ALAS2: variants seen among roughly 807,000 people sequenced by gnomAD.
ALAS2 encodes the protein 5'-aminolevulinate synthase 2, also known as 5-aminolevulinate synthase, erythroid-specific, mitochondrial.
Under a neutral mutation model 33.7 loss-of-function variants are expected in ALAS2, and 3 were observed. The observed-to-expected ratio is 0.09, with a 90% CI of 0.04 to 0.23. The LOEUF is 0.23. ALAS2 is among the 10% of genes least tolerant of loss of function. ALAS2 has a pLI of 1.00. For synonymous variants in ALAS2, 191 were observed against 177.3 expected (o/e 1.08, Z -0.61); for missense variants, 304 against 475.1 (o/e 0.64, Z 3.35).
chrX:55,030,044 G>A (rs1935968064), intron 1 of ALAS2, among the ~76,000 whole-genome samples: 1 of 103,042 alleles, frequency 9.7e-6, no homozygotes, highest in Admixed American at 1.1e-4. Flanking sequence ...GAAACATCAG[G>A]CCTTACTTCT....
intron 8 of ALAS2, 66 bp from the exon 9 acceptor site, chrX:55,015,081 T>C (rs1935676604): frequency 8.8e-7 from 1 of 1,137,034 alleles, no homozygotes; most frequent in South Asian, 2.1e-5. Flanking sequence ...CAGGATCATG[T>C]GCCAGATAAC....
At chrX:55,014,365 G>A (rs1397966767) in intron 9 of ALAS2, among the ~76,000 whole-genome samples, 1 of 111,384 alleles carries the variant, frequency 9.0e-6, no homozygotes, top group Non-Finnish European at 1.9e-5. Context: ...ACAAATTGAT[G>A]ATACCCTTAG....
At chrX:55,026,091 A>C in intron 1 of ALAS2, 76 bp from the exon 2 acceptor site, 1 of 987,930 alleles carries the variant, frequency 1.0e-6, no homozygotes, top group Non-Finnish European at 1.4e-6. Flanking sequence ...CCTCGTCTTC[A>C]GCTTCCCACC....
intron 4 of ALAS2, among the ~76,000 whole-genome samples, 162 bp from the exon 5 acceptor site, chrX:55,021,436 C>T (rs1487983072): frequency 1.8e-5 from 2 of 112,547 alleles, no homozygotes; most frequent in South Asian, 3.7e-4. Context: ...CTCTCTACTA[C>T]TTCATTCAGC....
At chrX:55,025,777 A>G in intron 2 of ALAS2, 43 bp downstream of exon 2, 1 of 1,178,895 alleles carries the variant, frequency 8.5e-7, no homozygotes, top group East Asian at 3.0e-5. Flanking sequence ...CTTTTACCCC[A>G]GGACCCTAAC....
intron 6 of ALAS2, 75 bp from the exon 7 acceptor site, chrX:55,017,740 A>C (rs1935729264): frequency 9.4e-7 from 1 of 1,061,874 alleles, no homozygotes; most frequent in Non-Finnish European, 1.3e-6. Flanking sequence ...TGACCTGGCA[A>C]AGAAAAGGGC....
chrX:55,024,967 T>C, intron 2 of ALAS2, 127 bp from the exon 3 acceptor site: 1 of 915,365 alleles, frequency 1.1e-6, no homozygotes. Context: ...CAGAGATAGA[T>C]GAGTCTGGTC....
chrX:55,017,750 C>A (rs1380373062), intron 6 of ALAS2, 85 bp from the exon 7 acceptor site: 4 of 982,166 alleles, frequency 4.1e-6, no homozygotes, highest in Non-Finnish European at 5.8e-6. Context: ...AAGAAAAGGG[C>A]CAACCCTTTC....
At chrX:55,021,393 T>C in intron 4 of ALAS2, 119 bp from the exon 5 acceptor site, 1 of 591,244 alleles carries the variant, frequency 1.7e-6, no homozygotes, top group Admixed American at 2.6e-5. Flanking sequence ...TATTCATTTA[T>C]TTGCTCAGTC....
rs1475237181 is a variant in ALAS2 at position 55,021,179 on chromosome X, A to G, written c.511T>C (p.Trp171Arg). The change falls in exon 5 of 11, where the codon TGG becomes CGG. Residue 171 changes from tryptophan (W) to arginine (R), a missense_variant. Transcript: ENST00000650242. ...TGGGCAAAGGGATATGCATCAGCCC[A>G]GCGGTTCACAGTCTTGAACACACGG... is the stretch of plus-strand genomic sequence containing the variant. ...TYRVFKTVNRWADAYPFAQHF... is the reference protein window; with the variant it reads ...TYRVFKTVNRRADAYPFAQHF... 8.3e-7 allele frequency: 1 copy of G among 1,211,714 alleles called. No homozygotes were observed. The highest frequency in any genetic ancestry group is 2.2e-5 in the Admixed American group (1 of 46,085).
intron 1 of ALAS2, among the ~76,000 whole-genome samples, chrX:55,028,297 G>A (rs1056579313): frequency 1.8e-5 from 2 of 111,209 alleles, no homozygotes; most frequent in South Asian, 3.8e-4. Flanking sequence ...CTGGAATCAC[G>A]TCTGAGCATC....
intron 4 of ALAS2, among the ~76,000 whole-genome samples, 162 bp from the exon 5 acceptor site, chrX:55,021,436 C>A (rs1487983072): frequency 8.9e-6 from 1 of 112,494 alleles, no homozygotes; most frequent in Non-Finnish European, 1.9e-5. Context: ...CTCTCTACTA[C>A]TTCATTCAGC....
intron 6 of ALAS2, among the ~76,000 whole-genome samples, chrX:55,018,823 G>A: frequency 9.0e-6 from 1 of 111,304 alleles, no homozygotes; most frequent in Non-Finnish European, 1.9e-5. Context: ...AATTCTGACT[G>A]TTGTAAAGAA....
chrX:55,019,353 G>T (rs762512193), intron 6 of ALAS2, among the ~76,000 whole-genome samples: 2 of 111,434 alleles, frequency 1.8e-5, no homozygotes, highest in African/African-American at 6.5e-5. Flanking sequence ...AAGGAGTGAG[G>T]AGAGGACATT....
intron 7 of ALAS2, among the ~76,000 whole-genome samples, chrX:55,015,969 G>C (rs1000616095): frequency 2.0e-3 from 172 of 86,219 alleles, no homozygotes; most frequent in African/African-American, 6.2e-3. Context: ...CTGTGTGTGT[G>C]TGTGTGTGTG....
intron 2 of ALAS2, 43 bp from the exon 3 acceptor site, chrX:55,024,883 A>AT: frequency 1.7e-6 from 2 of 1,206,403 alleles, no homozygotes; most frequent in Non-Finnish European, 2.2e-6. Context: ...ATTTCTAGTC[A>AT]TAAGTTCAGC....
chrX:55,014,716 G>T, intron 9 of ALAS2, 31 bp downstream of exon 9: 1 of 1,130,874 alleles, frequency 8.8e-7, no homozygotes, highest in Non-Finnish European at 1.2e-6. Flanking sequence ...TAAATAGGTG[G>T]AGAGGGCAAT....
At chrX:55,026,041 G>T (rs769705712) in intron 1 of ALAS2, 26 bp from the exon 2 acceptor site, 101 of 1,179,803 alleles carry the variant, frequency 8.6e-5, no homozygotes, top group Non-Finnish European at 1.1e-4. Context: ...AAGAGATGAG[G>T]TTCCATCATG....
intron 5 of ALAS2, 50 bp downstream of exon 5, chrX:55,021,002 G>GT (rs1164560596): frequency 3.6e-6 from 4 of 1,119,742 alleles, no homozygotes; most frequent in Non-Finnish European, 4.9e-6. Flanking sequence ...TCCATGTGTG[G>GT]TTTTTCATCT....
Sources: gnomAD v4.1 joint callset for allele counts (sites outside exome capture counted in the v4.1 genomes callset) on GRCh38, gnomAD v4.1.1 for gene constraint, MANE v1.5 for transcripts, NCBI Gene and HGNC (gene_info 2026-07-23, HGNC 2026-07-21) for gene names.